The following TBX5 variants were observed in gnomAD, a reference collection of about 807,000 sequenced individuals.
The protein encoded by TBX5 is T-box transcription factor 5, also known as T-box transcription factor TBX5.
In TBX5, 8 loss-of-function variants were observed where a neutral mutation model predicts 51.1. The ratio of observed to expected loss-of-function variants is 0.16; its 90% CI spans 0.09 to 0.28. TBX5 has a LOEUF of 0.28. TBX5 is among the 10% of genes least tolerant of loss of function. The probability of loss-of-function intolerance (pLI) is 1.00; values close to 1 mark genes in which losing one functional copy is unlikely to be tolerated. For synonymous variants in TBX5, 302 were observed against 266.4 expected (o/e 1.13, Z -1.30); for missense variants, 589 against 671.7 (o/e 0.88, Z 1.36).
chr12:114,366,067 A>T, intron 8 of TBX5, 98 bp downstream of exon 8: 1 of 1,252,364 alleles, frequency 8.0e-7, no homozygotes, highest in East Asian at 2.4e-5. Flanking sequence ...TTAAATAAAT[A>T]AAGTAAATAA....
chr12:114,370,288 G>GAAAAC lies in TBX5; in HGVS notation c.756-3898_756-3897insGTTTT, dbSNP rs56105735. 4.6e-3 allele frequency among the ~76,000 whole-genome samples: 262 copies of GAAAAC among 56,738 alleles called. 11 individuals carry two copies. Among genetic ancestry groups the GAAAAC allele is most frequent in the African/African-American group, 0.013 (242 of 18,408 alleles). 37.2% of individuals were successfully genotyped at this position (56,738 alleles called of 152,430 possible). ...GAAAAGAAAAGAAAAGAAAAGAAAA[G>GAAAAC]AAAGAAAAGAAAAGAAAAGAAAAGA... On this transcript the variant is annotated intron_variant, in intron 7 of 8. Coordinates refer to ENST00000405440, the MANE Select transcript of TBX5 (RefSeq NM_181486.4).
intron 7 of TBX5, among the ~76,000 whole-genome samples, chr12:114,380,449 A>G (rs1003425640): frequency 1.3e-5 from 2 of 152,148 alleles, no homozygotes; most frequent in Non-Finnish European, 2.9e-5. Context: ...CTCTTTAATC[A>G]GCCTTAACTC....
chr12:114,370,458 C>T (rs867225234), intron 7 of TBX5, among the ~76,000 whole-genome samples: 9 of 152,258 alleles, frequency 5.9e-5, no homozygotes, highest in South Asian at 2.1e-4. Context: ...CCAAAACTCA[C>T]GCCACCTAAT....
chr12:114,394,462 G>A (rs1871312091), intron 6 of TBX5, among the ~76,000 whole-genome samples: 1 of 152,230 alleles, frequency 6.6e-6, no homozygotes, highest in East Asian at 1.9e-4. Context: ...ATGCCTTCTT[G>A]TGGTATTTGA....
chr12:114,399,429 A>T, intron 4 of TBX5, 84 bp downstream of exon 4: 1 of 1,577,466 alleles, frequency 6.3e-7, no homozygotes, highest in Non-Finnish European at 8.7e-7. Flanking sequence ...AAAAAAAAAA[A>T]GTTCACTGAT....
chr12:114,353,969 G>A lies in TBX5; in HGVS notation c.*1563C>T, dbSNP rs879491404. ...CATGGTATTTATTAGGCATTAATTG[G>A]CACACAAATATAAGGCACGAGTACT... On this transcript the variant is annotated 3_prime_UTR_variant, in exon 9 of 9. Transcript: ENST00000405440. 3 of 152,204 alleles carry A rather than the reference G, an allele frequency of 2.0e-5. No homozygotes were observed. Among genetic ancestry groups the A allele is most frequent in the Non-Finnish European group, 2.9e-5 (2 of 67,982 alleles). 9.4% of individuals were successfully genotyped at this position (152,204 alleles called of 1,614,324 possible). A position where few individuals can be genotyped will look rare whatever the true frequency, so the allele number is the denominator to read the frequency against.
chr12:114,403,645 GTTTT>G (rs914342404), intron 2 of TBX5, 103 bp downstream of exon 2: 1 of 1,496,140 alleles, frequency 6.7e-7, no homozygotes, highest in African/African-American at 1.4e-5. Flanking sequence ...TCGTTTTGGG[GTTTT>G]TTTATTTTGT....
chr12:114,367,389 A>G (rs1332086770), intron 7 of TBX5, among the ~76,000 whole-genome samples: 1 of 152,118 alleles, frequency 6.6e-6, no homozygotes. Flanking sequence ...GGGCTCACAC[A>G]GGCAAAGTAA....
At chr12:114,362,315 T>C (rs78766034) in intron 8 of TBX5, among the ~76,000 whole-genome samples, 2,321 of 152,228 alleles carry the variant, frequency 0.015, 92 homozygotes, top group East Asian at 0.1. Flanking sequence ...GGTGGTAGGA[T>C]AAAATCTGAC....
At chr12:114,392,473 A>G (rs1458994309) in intron 6 of TBX5, among the ~76,000 whole-genome samples, 2 of 152,180 alleles carry the variant, frequency 1.3e-5, no homozygotes, top group African/African-American at 2.4e-5. Context: ...TCCCACATCT[A>G]TCCACACCTG....
chr12:114,378,350 G>A (rs1347068476), intron 7 of TBX5, among the ~76,000 whole-genome samples: 2 of 152,144 alleles, frequency 1.3e-5, no homozygotes, highest in African/African-American at 4.8e-5. Context: ...TGGAAAGGGG[G>A]TTCTCTCCAT....
intron 6 of TBX5, among the ~76,000 whole-genome samples, chr12:114,392,667 T>C (rs1871224201): frequency 2.0e-5 from 3 of 152,104 alleles, no homozygotes; most frequent in Admixed American, 2.0e-4. Flanking sequence ...CCCAGTCTGG[T>C]CTGAGAGCAT....
intron 7 of TBX5, among the ~76,000 whole-genome samples, chr12:114,385,036 GT>G: frequency 6.7e-6 from 1 of 150,212 alleles, no homozygotes; most frequent in South Asian, 2.1e-4. Flanking sequence ...ATGGTGTCAA[GT>G]TTGTCTGTAT....
At chr12:114,399,685 T>C in intron 3 of TBX5, 53 bp from the exon 4 acceptor site, 1 of 1,613,482 alleles carries the variant, frequency 6.2e-7, no homozygotes, top group Non-Finnish European at 8.5e-7. Flanking sequence ...TGCCAGTATT[T>C]TAAGGCAGCC....
intron 7 of TBX5, among the ~76,000 whole-genome samples, chr12:114,380,132 C>T (rs554438529): frequency 2.0e-5 from 3 of 152,280 alleles, no homozygotes; most frequent in East Asian, 1.9e-4. Flanking sequence ...ATTCTCTCTA[C>T]GAGGTCTACT....
intron 4 of TBX5, among the ~76,000 whole-genome samples, chr12:114,399,114 C>G (rs1438392997): frequency 2.6e-5 from 4 of 152,156 alleles, no homozygotes; most frequent in African/African-American, 9.7e-5. Context: ...CTGTTTAACT[C>G]GAATACCACG....
Position 114,355,783 on chromosome 12 carries a change from C to G in TBX5, c.1306G>C (p.Val436Leu). The G allele has an allele frequency of 6.2e-7, 1 of 1,614,140 alleles. No individual in the cohort carries two copies. The highest frequency in any genetic ancestry group is 8.5e-7 in the Non-Finnish European group (1 of 1,180,020). The change falls in exon 9 of 9, where the codon GTC becomes CTC. Residue 436 changes from valine to leucine, a missense_variant. Physicochemically the swap from Val to Leu is conservative, Grantham distance 32 (BLOSUM62 1). Coordinates refer to ENST00000405440, the MANE Select transcript of TBX5 (RefSeq NM_181486.4). ...TTGGCCATGCCAGCCAGCCGAGGGACCAGGGGCCCCGAGGTGAAGTGAGCG... is the reference window on the plus strand; with the variant it reads ...TTGGCCATGCCAGCCAGCCGAGGGAGCAGGGGCCCCGAGGTGAAGTGAGCG... ...FSAHFTSGPL[V>L]PRLAGMANHG...
At chr12:114,364,128 A>G (rs544422223) in intron 8 of TBX5, among the ~76,000 whole-genome samples, 4 of 152,322 alleles carry the variant, frequency 2.6e-5, no homozygotes, top group African/African-American at 9.6e-5. Flanking sequence ...TTAAAACGCA[A>G]GATTGGTAAA....
intron 7 of TBX5, among the ~76,000 whole-genome samples, chr12:114,368,896 GC>G (rs1021611520): frequency 2.4e-4 from 36 of 152,210 alleles, no homozygotes; most frequent in Admixed American, 1.3e-3. Context: ...CAAAGCTGGA[GC>G]CATCCGAGCA....
Sources: gnomAD v4.1 joint callset for allele counts (sites outside exome capture counted in the v4.1 genomes callset) on GRCh38, gnomAD v4.1.1 for gene constraint, MANE v1.5 for transcripts, NCBI Gene and HGNC (gene_info 2026-07-23, HGNC 2026-07-21) for gene names.